Variants in GET4 observed in about 807,000 individuals in gnomAD.
GET4 encodes Golgi to ER traffic protein 4 homolog.
Under a neutral mutation model 40.0 loss-of-function variants are expected in GET4, and 20 were observed. The ratio of observed to expected loss-of-function variants is 0.50; its 90% CI spans 0.35 to 0.73. The LOEUF (loss-of-function observed/expected upper bound fraction) is 0.73. Among genes scored for constraint, GET4 ranks in the 30% least tolerant of loss-of-function variants. GET4 has a pLI of 0.01. For synonymous variants in GET4, 280 were observed against 194.6 expected, an observed-to-expected ratio of 1.44 and a Z score of -3.65; for missense variants, 557 against 454.0, an observed-to-expected ratio of 1.23 and a Z score of -2.06.
intron 1 of GET4, among the ~76,000 whole-genome samples, chr7:878,764 A>G (rs1844021550): frequency 6.6e-6 from 1 of 152,098 alleles, no homozygotes; most frequent in South Asian, 2.1e-4. Context: ...TATTTTTACT[A>G]GAGACGGGGT....
intron 3 of GET4, chr7:887,082 C>T (rs1411272525): frequency 3.2e-6 from 2 of 624,768 alleles, no homozygotes; most frequent in East Asian, 6.8e-5. Context: ...GAGCCAGGTA[C>T]CCAGAGCGGC....
intron 6 of GET4, among the ~76,000 whole-genome samples, chr7:893,240 GT>G (rs1844376811): frequency 1.6e-5 from 2 of 122,462 alleles, no homozygotes; most frequent in African/African-American, 6.3e-5. Flanking sequence ...GCGTGGTGGT[GT>G]GTGCAGGTGA....
chr7:887,034 C>G (rs1226011291), intron 3 of GET4: 2 of 559,680 alleles, frequency 3.6e-6, no homozygotes, highest in Non-Finnish European at 6.8e-6. Context: ...GCAAGTCCCA[C>G]TCCTAGTCCC....
intron 1 of GET4, chr7:880,551 G>A (rs1161296885): frequency 1.3e-5 from 2 of 152,262 alleles, no homozygotes; most frequent in African/African-American, 4.8e-5. Context: ...TAGACAGCAG[G>A]CCCTGCTGGC....
chr7:891,676 G>A (rs1293934111), intron 5 of GET4, among the ~76,000 whole-genome samples: 1 of 152,244 alleles, frequency 6.6e-6, no homozygotes, highest in East Asian at 1.9e-4. Flanking sequence ...ATTTCAAGGC[G>A]GGCGTTGGGG....
intron 3 of GET4, chr7:886,949 GC>G: frequency 1.9e-6 from 1 of 526,102 alleles, no homozygotes; most frequent in South Asian, 2.0e-5. Flanking sequence ...GCAAGGTGGG[GC>G]ACCACTTTGG....
intron 4 of GET4, among the ~76,000 whole-genome samples, chr7:890,397 TGTGA>T (rs1844292917): frequency 8.5e-5 from 1 of 11,826 alleles, no homozygotes; most frequent in Admixed American, 1.0e-3. Context: ...GTGGAGGGAG[TGTGA>T]GCGGGTGTTA....
chr7:883,560 A>C, intron 1 of GET4: 14 of 984,782 alleles, frequency 1.4e-5, no homozygotes, highest in Non-Finnish European at 1.7e-5. Context: ...GCCGGCAGAG[A>C]GCACCAGCGC....
At chr7:883,803 T>C in intron 1 of GET4, 1 of 992,214 alleles carries the variant, frequency 1.0e-6, no homozygotes, top group Non-Finnish European at 1.2e-6. Context: ...AATTCTCCAG[T>C]ACAGGAGGAG....
At chr7:890,494 T>G (rs1221630463) in intron 4 of GET4, among the ~76,000 whole-genome samples, 1 of 151,860 alleles carries the variant, frequency 6.6e-6, no homozygotes, top group Non-Finnish European at 1.5e-5. Flanking sequence ...TGTTGAGGGT[T>G]GGTTGTTGGG....
intron 1 of GET4, chr7:883,911 G>A: frequency 9.6e-7 from 1 of 1,045,996 alleles, no homozygotes. Flanking sequence ...GGACCACTGT[G>A]TGCCCAGAAT....
chr7:878,108 A>C (rs1370719406), intron 1 of GET4: 3 of 333,818 alleles, frequency 9.0e-6, no homozygotes, highest in Non-Finnish European at 1.9e-5. Context: ...GAACCGAGTC[A>C]GCCGCCTCTG....
At chr7:883,197 A>G (rs1844121618) in intron 1 of GET4, 1 of 152,248 alleles carries the variant, frequency 6.6e-6, no homozygotes, top group Non-Finnish European at 1.5e-5. Context: ...GCGTCCAGCC[A>G]GCCCTGCGTC....
chr7:889,533 C>T (rs1358006350), intron 4 of GET4, among the ~76,000 whole-genome samples: 1 of 152,092 alleles, frequency 6.6e-6, no homozygotes, highest in Non-Finnish European at 1.5e-5. Flanking sequence ...TCCTGTTGGG[C>T]AGCGCAGTCA....
chr7:878,747 A>G (rs968843470), intron 1 of GET4, among the ~76,000 whole-genome samples: 7 of 151,712 alleles, frequency 4.6e-5, no homozygotes, highest in Admixed American at 3.9e-4. Context: ...CCCCCGGCTA[A>G]TTTTTGTATT....
intron 1 of GET4, among the ~76,000 whole-genome samples, chr7:878,802 A>C (rs1218328946): frequency 2.0e-5 from 3 of 152,074 alleles, no homozygotes; most frequent in Admixed American, 2.0e-4. Context: ...GCTGGTCTCG[A>C]ACTCCTGACC....
At chr7:890,527 C>T (rs934717432) in intron 4 of GET4, among the ~76,000 whole-genome samples, 1 of 151,952 alleles carries the variant, frequency 6.6e-6, no homozygotes, top group African/African-American at 2.4e-5. Flanking sequence ...GAACATCAGG[C>T]TGGTTTCTGC....
chr7:894,210 T>C (rs1213228733), intron 8 of GET4, among the ~76,000 whole-genome samples: 1 of 151,966 alleles, frequency 6.6e-6, no homozygotes, highest in African/African-American at 2.4e-5. Context: ...GTGTCTTCCA[T>C]TTCCTGGCAG....
At chr7:889,778 C>G (rs1159311309) in intron 4 of GET4, among the ~76,000 whole-genome samples, 3 of 64,712 alleles carry the variant, frequency 4.6e-5, no homozygotes, top group African/African-American at 1.9e-4. Flanking sequence ...GGTGTTAGGA[C>G]GGGGCCTGGG....
Sources: gnomAD v4.1 joint callset for allele counts (sites outside exome capture counted in the v4.1 genomes callset) on GRCh38, gnomAD v4.1.1 for gene constraint, MANE v1.5 for transcripts, NCBI Gene and HGNC (gene_info 2026-07-23, HGNC 2026-07-21) for gene names.